SNTG2: variants seen among roughly 807,000 people sequenced by gnomAD.
SNTG2 encodes syntrophin gamma 2, also known as gamma-2-syntrophin.
Under a neutral mutation model 70.9 loss-of-function variants are expected in SNTG2, and 74 were observed. That is an observed-to-expected ratio of 1.04 (90% CI 0.86 to 1.27). The LOEUF (loss-of-function observed/expected upper bound fraction) is 1.27. SNTG2 is among the 50% of genes most tolerant of loss of function. The probability of loss-of-function intolerance (pLI) is 0.00; values close to 1 mark genes in which losing one functional copy is unlikely to be tolerated. For missense variants in SNTG2, 717 were observed against 690.7 expected (o/e 1.04, Z -0.43); for synonymous variants, 278 against 273.8 (o/e 1.02, Z -0.15).
At chr2:1,043,136 G>A (rs945941303) in intron 1 of SNTG2, among the ~76,000 whole-genome samples, 100 of 152,176 alleles carry the variant, frequency 6.6e-4, no homozygotes, top group Non-Finnish European at 1.1e-3. Flanking sequence ...GTTGCCCATT[G>A]TTTCATATGC....
Position 1,094,990 on chromosome 2 carries a change from C to T in SNTG2, c.211-3206C>T, listed in dbSNP as rs375448162. On this transcript the variant is annotated intron_variant, in intron 2 of 16. Transcript: ENST00000308624. ...ATATGGTAGAGTTACTGGCAAGGGC[C>T]AGCTTCCTGGCCTGCAGGCAAAGGC... Among the ~76,000 whole-genome samples the T allele has an allele frequency of 3.7e-4, 53 of 142,142 alleles. No individual in the cohort carries two copies. The East Asian group carries it at 4.5e-3, about 12-fold the overall frequency. The allele number at this position is 142,142 out of a possible 152,430, so 93.3% of individuals were successfully genotyped here. A position where few individuals can be genotyped will look rare whatever the true frequency, so the allele number is the denominator to read the frequency against.
In SNTG2 at chr2:1,155,178, C is replaced by CACACACACACA. The variant is rs72116428; in HGVS notation, c.412-10370_412-10369insACACACACACA. ...ACACACACACACGTAGACCCCCCCC[C>CACACACACACA]CACACACATATATAGACCACACACA... On this transcript the variant is annotated intron_variant, in intron 6 of 16. Coordinates refer to ENST00000308624, the MANE Select transcript of SNTG2 (RefSeq NM_018968.4). 2.0e-5 allele frequency among the ~76,000 whole-genome samples: 3 copies of CACACACACACA among 150,254 alleles called. No individual in the cohort carries two copies. In the South Asian group the frequency reaches 6.3e-4, roughly 31 times the overall value.
At position 1,173,470 on chromosome 2, in the gene SNTG2, T is replaced by A. The variant is rs71440627; in HGVS notation, c.591+287T>A. On this transcript the variant is annotated intron_variant, in intron 8 of 16. Coordinates refer to ENST00000308624, the MANE Select transcript of SNTG2 (RefSeq NM_018968.4). ...CCTGCCTCTGACTTACATATCACCGTGACTGTAGGAAGGACTGCAGGTTAT... is the reference window on the plus strand; with the variant it reads ...CCTGCCTCTGACTTACATATCACCGAGACTGTAGGAAGGACTGCAGGTTAT... Among the ~76,000 whole-genome samples, 742 of 152,352 alleles carry A rather than the reference T, an allele frequency of 4.9e-3. 3 individuals carry two copies. The highest frequency in any genetic ancestry group is 8.3e-3 in the Non-Finnish European group (566 of 68,020).
rs1665336885 is a variant in SNTG2 at position 1,095,558 on chromosome 2, T to C, written c.211-2638T>C. 3.9e-5 allele frequency among the ~76,000 whole-genome samples: 6 copies of C among 152,212 alleles called. No homozygotes were observed. In the South Asian group the frequency reaches 1.2e-3, roughly 32 times the overall value. On this transcript the variant is annotated intron_variant, in intron 2 of 16. Coordinates refer to ENST00000308624, the MANE Select transcript of SNTG2 (RefSeq NM_018968.4). The stretch of plus-strand genomic sequence containing the variant: ...TTGTTAAGAATATTAGTCCAGATTT[T>C]ACCACAGGTGATCAGTTTCTTGATA...
chr2:1,350,266 C>T (rs948884105), intron 16 of SNTG2, among the ~76,000 whole-genome samples: 6 of 152,092 alleles, frequency 3.9e-5, no homozygotes, highest in Admixed American at 1.3e-4. Flanking sequence ...TCCTGGAAAG[C>T]GGAACTTGGA....
chr2:1,027,529 T>C (rs111778940), intron 1 of SNTG2, among the ~76,000 whole-genome samples: 44 of 107,372 alleles, frequency 4.1e-4, no homozygotes, highest in Admixed American at 5.2e-4. Flanking sequence ...ACAGTCACTA[T>C]CCAGCAAGTA....
chr2:1,150,014 C>T (rs1039221294), intron 6 of SNTG2, among the ~76,000 whole-genome samples: 3 of 152,216 alleles, frequency 2.0e-5, no homozygotes, highest in African/African-American at 7.2e-5. Context: ...TCATTTGGCA[C>T]TCCTCCGTTA....
intron 1 of SNTG2, among the ~76,000 whole-genome samples, chr2:1,083,183 A>ATAT (rs58011801): frequency 1.7e-3 from 247 of 142,246 alleles, no homozygotes; most frequent in African/African-American, 4.0e-3. Flanking sequence ...AAACTAAAAA[A>ATAT]ATATATATAT....
chr2:1,293,620 A>G (rs1407973668), intron 14 of SNTG2, among the ~76,000 whole-genome samples: 1 of 152,072 alleles, frequency 6.6e-6, no homozygotes, highest in Admixed American at 6.6e-5. Flanking sequence ...TTGTGTAAGA[A>G]TGGGTTGTTT....
At chr2:1,093,855 G>A (rs1197562458) in intron 2 of SNTG2, among the ~76,000 whole-genome samples, 2 of 151,706 alleles carry the variant, frequency 1.3e-5, no homozygotes, top group Admixed American at 6.6e-5. Context: ...TCTGGGAGGT[G>A]GAAGTCCAAC....
intron 1 of SNTG2, among the ~76,000 whole-genome samples, chr2:1,069,398 G>A (rs926899347): frequency 1.3e-5 from 2 of 151,586 alleles, no homozygotes; most frequent in African/African-American, 4.8e-5. Context: ...CAACCTGTGC[G>A]TGAAACTGAA....
intron 1 of SNTG2, among the ~76,000 whole-genome samples, chr2:1,077,281 A>G (rs1316442954): frequency 1.3e-5 from 2 of 152,194 alleles, no homozygotes; most frequent in Non-Finnish European, 2.9e-5. Context: ...GCGTTCACAC[A>G]CACCTGCCAA....
intron 1 of SNTG2, among the ~76,000 whole-genome samples, chr2:1,010,702 G>A (rs111905942): frequency 0.023 from 3,548 of 152,288 alleles, 133 homozygotes; most frequent in African/African-American, 0.075. Flanking sequence ...TTGAAAGCCT[G>A]TCCAAGGCCC....
At chr2:1,182,334 T>TTTA (rs143211255) in intron 8 of SNTG2, among the ~76,000 whole-genome samples, 1,926 of 123,260 alleles carry the variant, frequency 0.016, 47 homozygotes, top group African/African-American at 0.056. Flanking sequence ...TGATAGTAAA[T>TTTA]CCCTGCTTTT....
At chr2:1,253,464 A>G (rs962610336) in intron 12 of SNTG2, among the ~76,000 whole-genome samples, 2 of 152,206 alleles carry the variant, frequency 1.3e-5, no homozygotes, top group Non-Finnish European at 2.9e-5. Flanking sequence ...TCACTATGCA[A>G]TAATGTAGAA....
At chr2:977,870 T>G (rs933787998) in intron 1 of SNTG2, among the ~76,000 whole-genome samples, 1 of 152,206 alleles carries the variant, frequency 6.6e-6, no homozygotes, top group African/African-American at 2.4e-5. Context: ...CCTACTCCTC[T>G]TCAAGTAACT....
chr2:1,010,547 C>T (rs895845043), intron 1 of SNTG2, among the ~76,000 whole-genome samples: 5 of 152,178 alleles, frequency 3.3e-5, no homozygotes, highest in African/African-American at 7.2e-5. Flanking sequence ...AGTTGGAATA[C>T]GGCCAACAGG....
chr2:1,352,522 CAGT>C (rs1406782679), intron 16 of SNTG2, among the ~76,000 whole-genome samples: 2 of 152,228 alleles, frequency 1.3e-5, no homozygotes, highest in African/African-American at 4.8e-5. Context: ...AGTGTAAACT[CAGT>C]AGGTCAGGGT....
intron 8 of SNTG2, among the ~76,000 whole-genome samples, chr2:1,182,590 GC>G (rs1671990094): frequency 1.3e-5 from 2 of 152,150 alleles, no homozygotes; most frequent in African/African-American, 4.8e-5. Flanking sequence ...TGCCTCCCAG[GC>G]AGAGATAGCA....
Sources: allele counts gnomAD v4.1 joint callset (sites outside exome capture counted in the v4.1 genomes callset), GRCh38; gene constraint gnomAD v4.1.1; transcripts MANE v1.5; gene names NCBI Gene and HGNC (gene_info 2026-07-23, HGNC 2026-07-21).